PIEZO2: variants seen among roughly 807,000 people sequenced by gnomAD.
PIEZO2 encodes the protein piezo type mechanosensitive ion channel component 2.
A neutral mutation model predicts 337.3 loss-of-function variants in PIEZO2; 172 were observed. The observed-to-expected ratio is 0.51, with a 90% CI of 0.45 to 0.58. The LOEUF (loss-of-function observed/expected upper bound fraction) is 0.58. Ranked by LOEUF, PIEZO2 falls within the 20% of genes least tolerant of loss-of-function variation. The probability of loss-of-function intolerance (pLI) is 0.00; values close to 1 mark genes in which losing one functional copy is unlikely to be tolerated. For missense variants in PIEZO2, 3,028 were observed against 3,391.3 expected, an observed-to-expected ratio of 0.89 and a Z score of 2.66; for synonymous variants, 1,251 against 1,228.5, an observed-to-expected ratio of 1.02 and a Z score of -0.38.
At chr18:10,785,359 C>T (rs1006215922) in intron 16 of PIEZO2, among the ~76,000 whole-genome samples, 5 of 152,178 alleles carry the variant, frequency 3.3e-5, no homozygotes, top group African/African-American at 7.2e-5. Context: ...TGCTTTCCCC[C>T]TAGGGAAATC....
Position 11,080,319 on chromosome 18 carries a change from T to C in PIEZO2, c.65-14097A>G, listed in dbSNP as rs775016240. Among the ~76,000 whole-genome samples the C allele has an allele frequency of 8.5e-5, 13 of 152,238 alleles. No individual in the cohort carries two copies. Among genetic ancestry groups the C allele is most frequent in the Non-Finnish European group, 1.8e-4 (12 of 68,030 alleles). ...AAAAGTTGTCTCTTCCACCTCAGAA[T>C]ACCCATAGCATTTTGGTTTTAACAC... On this transcript the variant is annotated intron_variant, in intron 1 of 55. Transcript: ENST00000674853. The surrounding 1 kb of genome is among the most constrained non-coding windows in gnomAD (Gnocchi z 5.4).
In PIEZO2 at chr18:11,148,508, A is replaced by G; in HGVS notation, c.64+17T>C. 6.5e-7 allele frequency: 1 copy of G among 1,537,046 alleles called. No homozygotes were observed. The highest frequency in any genetic ancestry group is 8.7e-7 in the Non-Finnish European group (1 of 1,146,808). ...CTCGTCCTCCTCAAGTGCCCTCGGAAAGCGGACCAGACTCACCTACTGCCA... is the reference window on the plus strand; with the variant it reads ...CTCGTCCTCCTCAAGTGCCCTCGGAGAGCGGACCAGACTCACCTACTGCCA... On this transcript the variant is annotated intron_variant, in intron 1 of 55. Coordinates refer to ENST00000674853, the MANE Select transcript of PIEZO2 (RefSeq NM_001378183.1). The surrounding 1 kb of genome is among the most constrained non-coding windows in gnomAD (Gnocchi z 5.2).
At chr18:10,998,535 T>C (rs1473890959) in intron 2 of PIEZO2, among the ~76,000 whole-genome samples, 1 of 152,152 alleles carries the variant, frequency 6.6e-6, no homozygotes, top group Admixed American at 6.5e-5. Context: ...ATAAGAAATA[T>C]GAGTATATTT....
rs2038991745 is a variant in PIEZO2 at position 10,781,768 on chromosome 18, CCAA to C, written c.2493-1405_2493-1403del. Among the ~76,000 whole-genome samples, 1 of 152,018 alleles carries C rather than the reference CCAA, an allele frequency of 6.6e-6. No individual in the cohort carries two copies. Among genetic ancestry groups the C allele is most frequent in the Admixed American group, 6.6e-5 (1 of 15,262 alleles). ...ATCTGTGTGCATAAGCACATATACA[CCAA>C]CAAGTGACACAACAGGAAAATAAGA... On this transcript the variant is annotated intron_variant, in intron 17 of 55. Coordinates refer to ENST00000674853, the MANE Select transcript of PIEZO2 (RefSeq NM_001378183.1). This position sits in a 1 kb window ranked among gnomAD's most constrained non-coding sequence, Gnocchi z 4.1.
In PIEZO2 at chr18:10,988,243, A is replaced by G. The variant is rs1327865344; in HGVS notation, c.161-8583T>C. Reference sequence around the variant, plus strand: ...AGCAACACAGTGCCATTTTGGAAGCAGAAAGACCAGGGTCTCACCAGACAC... The same window carrying G: ...AGCAACACAGTGCCATTTTGGAAGCGGAAAGACCAGGGTCTCACCAGACAC... On this transcript the variant is annotated intron_variant, in intron 2 of 55. Coordinates refer to ENST00000674853, the MANE Select transcript of PIEZO2 (RefSeq NM_001378183.1). The surrounding 1 kb of genome is among the most constrained non-coding windows in gnomAD (Gnocchi z 4.8). Among the ~76,000 whole-genome samples the G allele has an allele frequency of 1.3e-5, 2 of 152,210 alleles. No homozygotes were observed. Among genetic ancestry groups the G allele is most frequent in the Non-Finnish European group, 1.5e-5 (1 of 68,036 alleles).
chr18:10,784,758 G>T lies in PIEZO2; in HGVS notation c.2492+26C>A. 1 of 1,506,274 alleles carries T rather than the reference G, an allele frequency of 6.6e-7. No homozygotes were observed. The highest frequency in any genetic ancestry group is 8.9e-7 in the Non-Finnish European group (1 of 1,128,210). 93.3% of individuals were successfully genotyped at this position (1,506,274 alleles called of 1,614,324 possible). Reference sequence around the variant, plus strand: ...AAGAGCTGCCTTCCTGCTAATAAGAGGTCTGTGTTTCTTCCAGTGGCTCAC... The same window carrying T: ...AAGAGCTGCCTTCCTGCTAATAAGATGTCTGTGTTTCTTCCAGTGGCTCAC... On this transcript the variant is annotated intron_variant, in intron 17 of 55. Coordinates refer to ENST00000674853, the MANE Select transcript of PIEZO2 (RefSeq NM_001378183.1). This position sits in a 1 kb window ranked among gnomAD's most constrained non-coding sequence, Gnocchi z 4.5.
chr18:10,951,899 A>T (rs755796295), intron 3 of PIEZO2, among the ~76,000 whole-genome samples: 1 of 152,258 alleles, frequency 6.6e-6, no homozygotes, highest in African/African-American at 2.4e-5. Flanking sequence ...TTAATGAATG[A>T]TTATGAGATA....
In PIEZO2 at chr18:11,131,533, T is replaced by C. The variant is rs764099789; in HGVS notation, c.64+16992A>G. 7.2e-5 allele frequency among the ~76,000 whole-genome samples: 11 copies of C among 152,204 alleles called. No individual in the cohort carries two copies. Among genetic ancestry groups the C allele is most frequent in the Non-Finnish European group, 1.0e-4 (7 of 68,042 alleles). ...ACTACAGCCCCTTTCTAGGAAATCC[T>C]TGAAGGACAGCGGTGAAGGGAAATC... On this transcript the variant is annotated intron_variant, in intron 1 of 55. Transcript: ENST00000674853. The surrounding 1 kb of genome is among the most constrained non-coding windows in gnomAD (Gnocchi z 5.3).
At chr18:10,685,511 T>C (rs901175473) in intron 49 of PIEZO2, among the ~76,000 whole-genome samples, 3 of 152,222 alleles carry the variant, frequency 2.0e-5, no homozygotes, top group Admixed American at 2.0e-4. Context: ...CCTCGAGTTA[T>C]AGGCCAGAAC....
intron 53 of PIEZO2, 61 bp from the exon 54 acceptor site, chr18:10,675,349 A>AT (rs1193405788): frequency 2.7e-6 from 3 of 1,113,308 alleles, no homozygotes; most frequent in Non-Finnish European, 3.8e-6. Context: ...CCTAAAATTG[A>AT]TTTTTTGTTG....
At chr18:10,776,139 G>A (rs1248654032) in intron 18 of PIEZO2, among the ~76,000 whole-genome samples, 1 of 151,946 alleles carries the variant, frequency 6.6e-6, no homozygotes, top group Non-Finnish European at 1.5e-5. Context: ...CATTTTTATG[G>A]TAACATTGTT....
At chr18:10,910,531 C>G (rs377355168) in intron 4 of PIEZO2, among the ~76,000 whole-genome samples, 1 of 151,646 alleles carries the variant, frequency 6.6e-6, no homozygotes, top group Admixed American at 6.6e-5. Flanking sequence ...TGCAGTGAGC[C>G]GAGATCATGC....
rs531760032 is a variant in PIEZO2 at position 10,813,998 on chromosome 18, T to C, written c.918-6724A>G. ...TTTTTTTTTTTTTGAGATGGAGTTT[T>C]GCTCTGTGGCCCAGGCTGGAGTGCA... On this transcript the variant is annotated intron_variant, in intron 7 of 55. Transcript: ENST00000674853. The surrounding 1 kb of genome is among the most constrained non-coding windows in gnomAD (Gnocchi z 4.2). 1.6e-4 allele frequency among the ~76,000 whole-genome samples: 25 copies of C among 151,956 alleles called. No individual in the cohort carries two copies. The East Asian group carries it at 4.6e-3, about 28-fold the overall frequency.
In PIEZO2 at chr18:10,708,030, G is replaced by A. The variant is rs369350435; in HGVS notation, c.5588+245C>T. 7.0e-4 allele frequency among the ~76,000 whole-genome samples: 106 copies of A among 152,298 alleles called. 1 individual carries two copies. The highest frequency in any genetic ancestry group is 2.5e-3 in the African/African-American group (104 of 41,566). ...TGAAAACATGGAGGAGAATGTTTGT[G>A]ATAAGGATTTTTAAAGAAACTCCTA... On this transcript the variant is annotated intron_variant, in intron 40 of 55. Coordinates refer to ENST00000674853, the MANE Select transcript of PIEZO2 (RefSeq NM_001378183.1).
intron 3 of PIEZO2, among the ~76,000 whole-genome samples, chr18:10,917,183 A>G (rs2031047940): frequency 6.6e-6 from 1 of 152,064 alleles, no homozygotes; most frequent in African/African-American, 2.4e-5. Flanking sequence ...AAGGGAGATT[A>G]TTTTTTATTT....
rs1371072356 is a variant in PIEZO2 at position 10,672,933 on chromosome 18, C to T, written c.8162-60G>A. On this transcript the variant is annotated intron_variant, in intron 54 of 55. Transcript: ENST00000674853. The surrounding 1 kb of genome is among the most constrained non-coding windows in gnomAD (Gnocchi z 4.7). ...GAGAATTTTAGGATTTCATGCACAG[C>T]AACAGTTTTCAGATGGCAAAATCTG... The T allele has an allele frequency of 2.1e-6, 3 of 1,404,212 alleles. No individual in the cohort carries two copies. Among genetic ancestry groups the T allele is most frequent in the African/African-American group, 2.9e-5 (2 of 69,596 alleles). 87.0% of individuals were successfully genotyped at this position (1,404,212 alleles called of 1,614,324 possible).
intron 5 of PIEZO2, among the ~76,000 whole-genome samples, chr18:10,865,909 A>G (rs2041993914): frequency 6.6e-6 from 1 of 152,152 alleles, no homozygotes; most frequent in Non-Finnish European, 1.5e-5. Context: ...CAAGTTTCCC[A>G]TGGGGTATTT....
chr18:10,794,667 G>A lies in PIEZO2; in HGVS notation c.1758+105C>T. 4 of 908,288 alleles carry A rather than the reference G, an allele frequency of 4.4e-6. No individual in the cohort carries two copies. The South Asian group carries it at 7.3e-5, about 17-fold the overall frequency. 56.3% of individuals were successfully genotyped at this position (908,288 alleles called of 1,614,324 possible). A position where few individuals can be genotyped will look rare whatever the true frequency, so the allele number is the denominator to read the frequency against. ...CATGTTTGTTCATTTTTACAAAGCA[G>A]TGAATATTTGGAACCTGTTTTTATA... On this transcript the variant is annotated intron_variant, in intron 13 of 55. Coordinates refer to ENST00000674853, the MANE Select transcript of PIEZO2 (RefSeq NM_001378183.1). The surrounding 1 kb of genome is among the most constrained non-coding windows in gnomAD (Gnocchi z 6.6).
chr18:11,111,064 A>T lies in PIEZO2; in HGVS notation c.64+37461T>A, dbSNP rs1238069199. ...TCCGGGCAGACAGGGCAGAGGACAG[A>T]CAGGGAGCCTCCCCAAGCACTAGGG... On this transcript the variant is annotated intron_variant, in intron 1 of 55. Coordinates refer to ENST00000674853, the MANE Select transcript of PIEZO2 (RefSeq NM_001378183.1). The surrounding 1 kb of genome is among the most constrained non-coding windows in gnomAD (Gnocchi z 6.2). Among the ~76,000 whole-genome samples, 1 of 152,172 alleles carries T rather than the reference A, an allele frequency of 6.6e-6. No individual in the cohort carries two copies.
Sources: allele counts gnomAD v4.1 joint callset (sites outside exome capture counted in the v4.1 genomes callset), GRCh38; gene constraint gnomAD v4.1.1; non-coding constraint Gnocchi (gnomAD v3.1); transcripts MANE v1.5; gene names NCBI Gene and HGNC (gene_info 2026-07-23, HGNC 2026-07-21).